PCDH11Y: variants seen among roughly 807,000 people sequenced by gnomAD.
The protein encoded by PCDH11Y is protocadherin 11 Y-linked, also known as protocadherin-11 Y-linked.
For synonymous variants in PCDH11Y, 9 were observed against 83.6 expected (o/e 0.11, Z 4.87); for missense variants, 12 against 224.8 (o/e 0.05, Z 6.05).
intron 1 of PCDH11Y, among the ~76,000 whole-genome samples, chrY:5,081,556 C>T: frequency 6.3e-5 from 2 of 31,853 alleles, no homozygotes; most frequent in South Asian, 7.2e-4. Context: ...CTTGAGCAGT[C>T]GTTTGTAGTT....
chrY:5,345,051 C>G (rs2124669564), intron 2 of PCDH11Y, among the ~76,000 whole-genome samples: 1 of 34,837 alleles, frequency 2.9e-5, no homozygotes, highest in South Asian at 6.1e-4. Context: ...TAGAAATTCA[C>G]TTTTGATAAA....
intron 2 of PCDH11Y, among the ~76,000 whole-genome samples, chrY:5,482,616 C>G: frequency 3.0e-5 from 1 of 33,125 alleles, no homozygotes; most frequent in Admixed American, 2.7e-4. Flanking sequence ...CACCTTTTAT[C>G]CTTCAACCTA....
intron 3 of PCDH11Y, among the ~76,000 whole-genome samples, chrY:5,566,483 ATT>A (rs2053435233): frequency 6.1e-5 from 2 of 32,608 alleles, no homozygotes; most frequent in South Asian, 1.3e-3. Context: ...CTTATGTGGA[ATT>A]ATAATTATGT....
chrY:5,554,467 A>G (rs2124694457), intron 3 of PCDH11Y, among the ~76,000 whole-genome samples: 3 of 33,869 alleles, frequency 8.9e-5, no homozygotes, highest in African/African-American at 3.5e-4. Flanking sequence ...GACAATGGGG[A>G]AAATATCTCC....
At chrY:5,126,008 A>G in intron 2 of PCDH11Y, among the ~76,000 whole-genome samples, 1 of 32,948 alleles carries the variant, frequency 3.0e-5, no homozygotes, top group Non-Finnish European at 7.4e-5. Context: ...GATCAAATAG[A>G]GTATATTTTC....
At chrY:5,554,612 G>T in intron 3 of PCDH11Y, among the ~76,000 whole-genome samples, 3 of 33,465 alleles carry the variant, frequency 9.0e-5, no homozygotes, top group African/African-American at 3.5e-4. Flanking sequence ...TTGGTGCCCT[G>T]TGTCCCAGCT....
intron 2 of PCDH11Y, among the ~76,000 whole-genome samples, chrY:5,237,329 A>C: frequency 3.0e-5 from 1 of 33,429 alleles, no homozygotes. Context: ...CACTGCAATA[A>C]AACGAATATT....
intron 2 of PCDH11Y, among the ~76,000 whole-genome samples, chrY:5,180,350 T>C (rs2052898679): frequency 3.0e-5 from 1 of 33,804 alleles, no homozygotes; most frequent in Non-Finnish European, 7.3e-5. Context: ...CTTCCTATTA[T>C]GTGATCAATT....
chrY:5,232,673 C>G, intron 2 of PCDH11Y, among the ~76,000 whole-genome samples: 3 of 32,662 alleles, frequency 9.2e-5, no homozygotes, highest in Admixed American at 5.6e-4. Flanking sequence ...ATGATTCTAA[C>G]ACTCCCTTGA....
At chrY:5,524,140 A>T in intron 3 of PCDH11Y, among the ~76,000 whole-genome samples, 1 of 34,290 alleles carries the variant, frequency 2.9e-5, no homozygotes, top group Non-Finnish European at 7.4e-5. Context: ...CAAAAGTGCC[A>T]ACTGATGTTT....
intron 2 of PCDH11Y, among the ~76,000 whole-genome samples, chrY:5,220,553 G>GTCTCA: frequency 4.0e-5 from 1 of 24,810 alleles, no homozygotes; most frequent in East Asian, 1.1e-3. Context: ...CCAAGTAGCT[G>GTCTCA]GCCCCCGCCA....
At chrY:5,634,119 CAGG>C in intron 4 of PCDH11Y, among the ~76,000 whole-genome samples, 1 of 27,016 alleles carries the variant, frequency 3.7e-5, no homozygotes, top group Non-Finnish European at 8.6e-5. Flanking sequence ...GAGGCTGAGG[CAGG>C]AGAATGGCGT....
chrY:5,355,614 G>C, intron 2 of PCDH11Y, among the ~76,000 whole-genome samples: 6 of 31,643 alleles, frequency 1.9e-4, no homozygotes, highest in Admixed American at 1.5e-3. Flanking sequence ...GTGTTTGTTG[G>C]AATGCAACTT....
intron 2 of PCDH11Y, among the ~76,000 whole-genome samples, chrY:5,173,124 A>G (rs2052888799): frequency 6.0e-5 from 2 of 33,210 alleles, no homozygotes; most frequent in African/African-American, 2.3e-4. Flanking sequence ...CTCGGCTTCT[A>G]GCGCTGTTTT....
intron 2 of PCDH11Y, among the ~76,000 whole-genome samples, chrY:5,319,288 A>G (rs2053110329): frequency 6.0e-5 from 2 of 33,562 alleles, no homozygotes. Flanking sequence ...TTTTAACAAC[A>G]TAATTCACTA....
rs375578325 is a variant in PCDH11Y at position 5,710,861 on chromosome Y, A to G, written c.3353-26411A>G. 0.012 allele frequency among the ~76,000 whole-genome samples: 379 copies of G among 32,862 alleles called. No individual in the cohort carries two copies. In the Middle Eastern group the frequency reaches 0.23, roughly 20 times the overall value. 88.2% of individuals were successfully genotyped at this position (32,862 alleles called of 37,273 possible). A position where few individuals can be genotyped will look rare whatever the true frequency, so the allele number is the denominator to read the frequency against. On this transcript the variant is annotated intron_variant, in intron 4 of 4. Coordinates refer to the PCDH11Y transcript ENST00000400457. ...GGTGAGCTTTGTCTTAAAAGTCCTC[A>G]TCTTTGTTGGGATTTTATCATCTTT... is the stretch of plus-strand genomic sequence containing the variant.
chrY:5,357,251 G>GTA (rs760306167), intron 2 of PCDH11Y, among the ~76,000 whole-genome samples: 1,980 of 15,160 alleles, frequency 0.13, no homozygotes, highest in Middle Eastern at 0.4. Flanking sequence ...ATATATATAC[G>GTA]TATATATATA....
At chrY:5,487,492 C>T (rs207480409) in intron 2 of PCDH11Y, among the ~76,000 whole-genome samples, 10 of 33,876 alleles carry the variant, frequency 3.0e-4, no homozygotes, top group Admixed American at 2.7e-4. Context: ...CCACCGTGCC[C>T]GGCCTTGTTT....
At chrY:5,107,953 A>G (rs1424012834), downstream of PCDH11Y, among the ~76,000 whole-genome samples, 99 of 29,871 alleles carry the variant, frequency 3.3e-3, no homozygotes, top group South Asian at 7.3e-3. Flanking sequence ...CAGCTACTTG[A>G]GAGGCTGAGG....
Sources: gnomAD v4.1 joint callset for allele counts (sites outside exome capture counted in the v4.1 genomes callset) on GRCh38, gnomAD v4.1.1 for gene constraint, MANE v1.5 for transcripts, NCBI Gene and HGNC (gene_info 2026-07-23, HGNC 2026-07-21) for gene names.